Variants in PRELID2 observed in about 807,000 individuals in gnomAD.
PRELID2 encodes the protein PRELI domain-containing protein 2.
In PRELID2, 25 loss-of-function variants were observed where a neutral mutation model predicts 28.4. The observed-to-expected ratio is 0.88, with a 90% CI of 0.64 to 1.23. PRELID2 has a LOEUF of 1.23. Among genes scored for constraint, PRELID2 ranks in the 50% most tolerant of loss-of-function variants. The probability of loss-of-function intolerance (pLI) is 0.00; values close to 1 mark genes in which losing one functional copy is unlikely to be tolerated. For synonymous variants in PRELID2, 76 were observed against 71.6 expected, an observed-to-expected ratio of 1.06 and a Z score of -0.31; for missense variants, 201 against 214.4, an observed-to-expected ratio of 0.94 and a Z score of 0.39.
intron 1 of PRELID2, among the ~76,000 whole-genome samples, chr5:145,578,402 T>G (rs1302060067): frequency 3.9e-5 from 6 of 152,106 alleles, no homozygotes; most frequent in Non-Finnish European, 8.8e-5. Context: ...AGTCCCAGGC[T>G]GCCAGCATTT....
At chr5:145,698,819 T>G (rs990977962) in intron 1 of PRELID2, among the ~76,000 whole-genome samples, 16 of 152,184 alleles carry the variant, frequency 1.1e-4, no homozygotes, top group African/African-American at 3.6e-4. Context: ...CTCTGCCTCC[T>G]GGGTTCAAAC....
At chr5:145,542,943 C>T (rs1673328464) in intron 1 of PRELID2, among the ~76,000 whole-genome samples, 1 of 152,020 alleles carries the variant, frequency 6.6e-6, no homozygotes, top group South Asian at 2.1e-4. Flanking sequence ...TACTCACCTG[C>T]TTTTAGTCTC....
At position 145,676,871 on chromosome 5, in the gene PRELID2, A is replaced by G. The variant is rs1754828545; in HGVS notation, n.70+88060T>C. ...CAAAATTTAGACTACAAGAAACTCT[A>G]CTGACAAAGTGACCAGATTTTTCAA... On this transcript the variant is annotated intron_variant and non_coding_transcript_variant, in intron 1 of 2. Coordinates refer to the PRELID2 transcript ENST00000510259. 2.6e-5 allele frequency among the ~76,000 whole-genome samples: 4 copies of G among 152,304 alleles called. No individual in the cohort carries two copies. In the South Asian group the frequency reaches 6.2e-4, roughly 24 times the overall value.
At chr5:145,632,977 C>T (rs1753952366) in intron 1 of PRELID2, among the ~76,000 whole-genome samples, 1 of 152,100 alleles carries the variant, frequency 6.6e-6, no homozygotes, top group African/African-American at 2.4e-5. Context: ...CCATGTGGCA[C>T]CGTGTGACAA....
chr5:145,616,193 T>C (rs1352281147), intron 1 of PRELID2, among the ~76,000 whole-genome samples: 1 of 152,212 alleles, frequency 6.6e-6, no homozygotes, highest in East Asian at 1.9e-4. Context: ...ATCTTAACTT[T>C]ACATAACCTG....
At chr5:145,515,976 C>T (rs1481961848) in intron 1 of PRELID2, among the ~76,000 whole-genome samples, 2 of 152,040 alleles carry the variant, frequency 1.3e-5, no homozygotes, top group Admixed American at 6.6e-5. Flanking sequence ...AACTAGGTAT[C>T]GATGGAGTGT....
chr5:145,517,378 A>C (rs919410406), intron 1 of PRELID2, among the ~76,000 whole-genome samples: 1 of 152,186 alleles, frequency 6.6e-6, no homozygotes, highest in Admixed American at 6.5e-5. Flanking sequence ...TGGCCAGAAA[A>C]ACATGAAAAA....
rs557871089 is a variant in PRELID2 at position 145,717,713 on chromosome 5, CAAGT to C, written n.70+47214_70+47217del. On this transcript the variant is annotated intron_variant and non_coding_transcript_variant, in intron 1 of 2. Coordinates refer to the PRELID2 transcript ENST00000510259. ...TATAATAAAATTTAAAACTTCAAAT[CAAGT>C]AAGTAAAATTATAATAAAATATTAT... Among the ~76,000 whole-genome samples, 436 of 150,500 alleles carry C rather than the reference CAAGT, an allele frequency of 2.9e-3. 2 individuals are homozygous for C. Among genetic ancestry groups the C allele is most frequent in the African/African-American group, 9.3e-3 (382 of 41,260 alleles).
At chr5:145,553,786 G>T (rs1752857865) in intron 1 of PRELID2, among the ~76,000 whole-genome samples, 1 of 152,206 alleles carries the variant, frequency 6.6e-6, no homozygotes, top group Non-Finnish European at 1.5e-5. Context: ...TTTAGAAAAA[G>T]AATTGTGACA....
At chr5:145,722,749 C>T (rs1002211791) in intron 1 of PRELID2, among the ~76,000 whole-genome samples, 1 of 152,234 alleles carries the variant, frequency 6.6e-6, no homozygotes, top group East Asian at 1.9e-4. Flanking sequence ...ATCCGCCCAC[C>T]TCGGCCTCCC....
At chr5:145,478,117 C>T (rs931360131) in intron 1 of PRELID2, among the ~76,000 whole-genome samples, 4 of 152,162 alleles carry the variant, frequency 2.6e-5, no homozygotes, top group African/African-American at 9.7e-5. Context: ...TCTCACCACT[C>T]GAGCCCTTGT....
rs757590496 is a variant in PRELID2, at chr5:145,682,285, G to A, written n.70+82646C>T. On this transcript the variant is annotated intron_variant and non_coding_transcript_variant, in intron 1 of 2. Transcript: ENST00000510259. ...GAATTTTTCTATTAGTTTTGGTTGG[G>A]AGGAAAATGTACAGTTTCCACCTCT... is the stretch of plus-strand genomic sequence containing the variant. 5.1e-4 allele frequency among the ~76,000 whole-genome samples: 78 copies of A among 152,190 alleles called. 1 individual carries two copies. Among genetic ancestry groups the A allele is most frequent in the Non-Finnish European group, 1.8e-4 (12 of 68,036 alleles).
chr5:145,300,965 T>C, the PRELID2 span, among the ~76,000 whole-genome samples: 1 of 152,028 alleles, frequency 6.6e-6, no homozygotes, highest in African/African-American at 2.4e-5. Flanking sequence ...TCAAACCCAT[T>C]ATGTAAAATA....
chr5:145,252,810 CACTT>C, the PRELID2 span, among the ~76,000 whole-genome samples: 28 of 152,172 alleles, frequency 1.8e-4, no homozygotes, highest in East Asian at 5.2e-3. Flanking sequence ...CATGTGAACA[CACTT>C]AATGCCACTG....
rs551631138 is a variant in PRELID2 at position 145,626,179 on chromosome 5, T to C, written n.70+138752A>G. On this transcript the variant is annotated intron_variant and non_coding_transcript_variant, in intron 1 of 2. Coordinates refer to the PRELID2 transcript ENST00000510259. Reference sequence around the variant, plus strand: ...CACAACAAAACCAAAAATAGACAAATGGGACTTAATTAAACTTAAAACCTT... The same window carrying C: ...CACAACAAAACCAAAAATAGACAAACGGGACTTAATTAAACTTAAAACCTT... Among the ~76,000 whole-genome samples the C allele has an allele frequency of 5.3e-5, 8 of 152,190 alleles. No homozygotes were observed. In the South Asian group the frequency reaches 1.5e-3, roughly 28 times the overall value.
chr5:145,678,402 T>C (rs1754864217), intron 1 of PRELID2, among the ~76,000 whole-genome samples: 1 of 152,204 alleles, frequency 6.6e-6, no homozygotes, highest in Non-Finnish European at 1.5e-5. Flanking sequence ...TTAACTTCCT[T>C]ATATTTGTTT....
chr5:145,350,977 C>T, the PRELID2 span, among the ~76,000 whole-genome samples: 1 of 152,102 alleles, frequency 6.6e-6, no homozygotes, highest in Non-Finnish European at 1.5e-5. Flanking sequence ...TTATTGAGCA[C>T]TTGATATAAG....
the PRELID2 span, chr5:145,229,187 G>A: frequency 2.3e-6 from 2 of 884,180 alleles, no homozygotes; most frequent in South Asian, 1.3e-5. Context: ...GGAACGATCA[G>A]GTCCAGTTTG....
chr5:145,706,290 C>T (rs1386882539), intron 1 of PRELID2, among the ~76,000 whole-genome samples: 1 of 152,194 alleles, frequency 6.6e-6, no homozygotes, highest in Non-Finnish European at 1.5e-5. Flanking sequence ...GGAATACTGT[C>T]TGTATCATCA....
Sources: gnomAD v4.1 joint callset for allele counts (sites outside exome capture counted in the v4.1 genomes callset) on GRCh38, gnomAD v4.1.1 for gene constraint, MANE v1.5 for transcripts, NCBI Gene and HGNC (gene_info 2026-07-23, HGNC 2026-07-21) for gene names.